FGD4: variants seen among roughly 807,000 people sequenced by gnomAD.
The protein encoded by FGD4 is FYVE, RhoGEF and PH domain-containing protein 4.
FGD4 carries 42 observed loss-of-function variants against 102.0 expected under a neutral mutation model. The observed-to-expected ratio is 0.41, with a 90% confidence interval of 0.32 to 0.53. The LOEUF (loss-of-function observed/expected upper bound fraction) is 0.53. Among genes scored for constraint, FGD4 ranks in the 20% least tolerant of loss-of-function variants. FGD4 has a pLI of 0.21. For synonymous variants in FGD4, 380 were observed against 375.7 expected, an observed-to-expected ratio of 1.01 and a Z score of -0.13; for missense variants, 902 against 1,078.2, an observed-to-expected ratio of 0.84 and a Z score of 2.29.
chr12:32,473,711 G>C (rs952047225), intron 1 of FGD4, among the ~76,000 whole-genome samples: 3 of 152,080 alleles, frequency 2.0e-5, no homozygotes, highest in Admixed American at 6.6e-5. Context: ...GTTATTTTCC[G>C]TTCTTCCCCA....
chr12:32,595,405 A>T (rs9988998), intron 4 of FGD4, among the ~76,000 whole-genome samples: 75,561 of 152,024 alleles, frequency 0.5, 21,692 homozygotes, highest in African/African-American at 0.78. Context: ...TTCCTGTGGT[A>T]ATGGAATCGT....
chr12:32,640,597 C>CT lies in FGD4; in HGVS notation c.*66dup. ...CTTACAGCTCAAGACATTCCCAGCT[C>CT]TTCTTACACATCTGCTAGCACTTTA... is the stretch of plus-strand genomic sequence containing the variant. On this transcript the variant is annotated 3_prime_UTR_variant, in exon 17 of 17. Coordinates refer to ENST00000534526, the MANE Select transcript of FGD4 (RefSeq NM_001370298.3). 1 of 1,608,620 alleles carries CT rather than the reference C, an allele frequency of 6.2e-7. No homozygotes were observed. Among genetic ancestry groups the CT allele is most frequent in the Non-Finnish European group, 8.5e-7 (1 of 1,177,300 alleles).
chr12:32,401,252 G>C (rs888769454), intron 1 of FGD4, among the ~76,000 whole-genome samples: 2 of 152,140 alleles, frequency 1.3e-5, no homozygotes, highest in African/African-American at 4.8e-5. Context: ...TTGGAGAATA[G>C]TGGGCACCAA....
At chr12:32,478,382 A>G (rs2136538015) in intron 1 of FGD4, among the ~76,000 whole-genome samples, 1 of 152,252 alleles carries the variant, frequency 6.6e-6, no homozygotes. Flanking sequence ...GTCACGCCTC[A>G]TCGTCCTGAA....
chr12:32,516,326 T>C (rs1025944267), intron 1 of FGD4, among the ~76,000 whole-genome samples: 1 of 151,856 alleles, frequency 6.6e-6, no homozygotes, highest in Admixed American at 6.6e-5. Context: ...ATTTTTTTTA[T>C]AGAGAGGGAG....
At chr12:32,459,744 G>A (rs2136492291) in intron 1 of FGD4, among the ~76,000 whole-genome samples, 1 of 151,132 alleles carries the variant, frequency 6.6e-6, no homozygotes, top group East Asian at 1.9e-4. Flanking sequence ...CTGTTGTCCA[G>A]TCTGGAGTGC....
At chr12:32,555,697 G>T (rs1944050061) in intron 1 of FGD4, among the ~76,000 whole-genome samples, 1 of 148,382 alleles carries the variant, frequency 6.7e-6, no homozygotes, top group Non-Finnish European at 1.5e-5. Flanking sequence ...TCAGCCTCCC[G>T]AGTAGCTGGG....
intron 1 of FGD4, chr12:32,511,196 T>C (rs893542869): frequency 9.2e-5 from 14 of 152,252 alleles, no homozygotes; most frequent in African/African-American, 2.9e-4. Flanking sequence ...GAGATGAGCA[T>C]GAAGCGGTGC....
intron 1 of FGD4, among the ~76,000 whole-genome samples, chr12:32,493,315 T>C (rs896395819): frequency 1.3e-5 from 2 of 152,238 alleles, no homozygotes; most frequent in African/African-American, 4.8e-5. Flanking sequence ...TCAGAAAGCA[T>C]GGAGAAAGTC....
At chr12:32,432,537 G>A (rs1280334155) in intron 1 of FGD4, among the ~76,000 whole-genome samples, 1 of 151,586 alleles carries the variant, frequency 6.6e-6, no homozygotes, top group Non-Finnish European at 1.5e-5. Flanking sequence ...CCAGGAGGCG[G>A]AGGTTGCAGT....
intron 14 of FGD4, among the ~76,000 whole-genome samples, chr12:32,630,085 C>G (rs1950412735): frequency 6.6e-6 from 1 of 152,204 alleles, no homozygotes; most frequent in Non-Finnish European, 1.5e-5. Flanking sequence ...CTGTCCATCC[C>G]AAGCTTTGTT....
At chr12:32,622,767 AT>A (rs1448307829) in intron 11 of FGD4, among the ~76,000 whole-genome samples, 1 of 152,022 alleles carries the variant, frequency 6.6e-6, no homozygotes, top group East Asian at 1.9e-4. Flanking sequence ...CTAATTTTTT[AT>A]TTTTAATAGA....
At chr12:32,525,937 G>A (rs538831211) in intron 1 of FGD4, among the ~76,000 whole-genome samples, 344 of 152,366 alleles carry the variant, frequency 2.3e-3, no homozygotes, top group African/African-American at 7.6e-3. Flanking sequence ...CCTACAGCCC[G>A]CCATGCCTGA....
chr12:32,414,162 G>T (rs1301168724), intron 1 of FGD4, among the ~76,000 whole-genome samples: 1 of 152,040 alleles, frequency 6.6e-6, no homozygotes, highest in Admixed American at 6.6e-5. Flanking sequence ...AGTAGAGACA[G>T]TGTTTCACCA....
intron 7 of FGD4, among the ~76,000 whole-genome samples, chr12:32,603,353 A>G (rs1027195304): frequency 1.3e-5 from 2 of 151,854 alleles, no homozygotes; most frequent in Admixed American, 1.3e-4. Context: ...TAGATTGGGA[A>G]TTCCTGGTAT....
At chr12:32,491,132 T>TAAAAAAAA (rs72008264) in intron 1 of FGD4, among the ~76,000 whole-genome samples, 2 of 106,572 alleles carry the variant, frequency 1.9e-5, no homozygotes, top group Non-Finnish European at 1.8e-5. Context: ...TTCTGCCAGT[T>TAAAAAAAA]AAAAAAAAAA....
intron 1 of FGD4, among the ~76,000 whole-genome samples, chr12:32,442,170 C>T (rs766182499): frequency 5.9e-5 from 9 of 151,752 alleles, no homozygotes; most frequent in Non-Finnish European, 1.2e-4. Flanking sequence ...TCTCCTGCCT[C>T]AGCCTCCCAA....
In FGD4 at chr12:32,642,135, C is replaced by T. The variant is rs1272101760; in HGVS notation, c.*1602C>T. ...GAGCAAGTGAACCAATTATTGCTGA[C>T]ATAATAGGTTCCCTTCCTCCATAAA... On this transcript the variant is annotated 3_prime_UTR_variant, in exon 17 of 17. Transcript: ENST00000534526. 6.6e-6 allele frequency: 1 copy of T among 152,052 alleles called. No homozygotes were observed. The highest frequency in any genetic ancestry group is 1.5e-5 in the Non-Finnish European group (1 of 67,978). The allele number at this position is 152,052 out of a possible 1,614,324, so 9.4% of individuals were successfully genotyped here. A position where few individuals can be genotyped will look rare whatever the true frequency, so the allele number is the denominator to read the frequency against.
At chr12:32,466,566 CAT>C (rs1284813054) in intron 1 of FGD4, among the ~76,000 whole-genome samples, 1 of 151,992 alleles carries the variant, frequency 6.6e-6, no homozygotes, top group African/African-American at 2.4e-5. Flanking sequence ...TCCAACTTGA[CAT>C]ATAAAATTAG....
Sources: allele counts gnomAD v4.1 joint callset (sites outside exome capture counted in the v4.1 genomes callset), GRCh38; gene constraint gnomAD v4.1.1; transcripts MANE v1.5; gene names NCBI Gene and HGNC (gene_info 2026-07-23, HGNC 2026-07-21).